AGPAT4: variants seen among roughly 807,000 people sequenced by gnomAD.
AGPAT4 encodes 1-acylglycerol-3-phosphate O-acyltransferase 4.
A neutral mutation model predicts 48.0 loss-of-function variants in AGPAT4; 15 were observed. The ratio of observed to expected loss-of-function variants is 0.31; its 90% CI spans 0.21 to 0.48. The LOEUF is 0.48. Among genes scored for constraint, AGPAT4 ranks in the 20% least tolerant of loss-of-function variants. The pLI is 0.99. For synonymous variants in AGPAT4, 178 were observed against 198.7 expected, an observed-to-expected ratio of 0.90 and a Z score of 0.88; for missense variants, 314 against 482.5, an observed-to-expected ratio of 0.65 and a Z score of 3.27.
At position 161,259,926 on chromosome 6, in the gene AGPAT4, T is replaced by C. The variant is rs2114748279; in HGVS notation, c.-90+14012A>G. ...CATTGAGTCACATCCTGGTTCTTGC[T>C]TCCCTTCTCAGACCCATCCAGGAGT... On this transcript the variant is annotated intron_variant, in intron 1 of 8. Coordinates refer to ENST00000320285, the MANE Select transcript of AGPAT4 (RefSeq NM_020133.3). This position sits in a 1 kb window ranked among gnomAD's most constrained non-coding sequence, Gnocchi z 4.9. Among the ~76,000 whole-genome samples, 2 of 152,346 alleles carry C rather than the reference T, an allele frequency of 1.3e-5. No individual in the cohort carries two copies. Among genetic ancestry groups the C allele is most frequent in the East Asian group, 3.9e-4 (2 of 5,170 alleles).
In AGPAT4 at chr6:161,134,655, A is replaced by G. The variant is rs765751567; in HGVS notation, c.*1885T>C. ...GCTGCAGAGTTCAGGTGAATGGCGT[A>G]ACTCAGCATCACGGACCCCTCCGAG... On this transcript the variant is annotated 3_prime_UTR_variant, in exon 9 of 9. Transcript: ENST00000320285. 1 of 152,174 alleles carries G rather than the reference A, an allele frequency of 6.6e-6. No homozygotes were observed. Among genetic ancestry groups the G allele is most frequent in the Non-Finnish European group, 1.5e-5 (1 of 68,040 alleles). 9.4% of individuals were successfully genotyped at this position (152,174 alleles called of 1,614,324 possible). A position where few individuals can be genotyped will look rare whatever the true frequency, so the allele number is the denominator to read the frequency against.
intron 2 of AGPAT4, among the ~76,000 whole-genome samples, chr6:161,190,268 A>C (rs1780883844): frequency 6.6e-6 from 1 of 152,202 alleles, no homozygotes; most frequent in Admixed American, 6.5e-5. Context: ...AATTGTAACA[A>C]ATGTACCAGA....
rs1365329110 is a variant in AGPAT4 at position 161,159,903 on chromosome 6, G to A, written c.349-5593C>T. 6.0e-5 allele frequency among the ~76,000 whole-genome samples: 9 copies of A among 150,764 alleles called. No homozygotes were observed. The South Asian group carries it at 1.9e-3, about 32-fold the overall frequency. On this transcript the variant is annotated intron_variant, in intron 3 of 8. Coordinates refer to ENST00000320285, the MANE Select transcript of AGPAT4 (RefSeq NM_020133.3). This position sits in a 1 kb window ranked among gnomAD's most constrained non-coding sequence, Gnocchi z 4.1. ...TCAGGTCTCCCAAAGTGCTGGGATG[G>A]GATTACAGGTGTGAGCCACCAAACC...
chr6:161,247,477 T>G (rs1310647233), intron 1 of AGPAT4, among the ~76,000 whole-genome samples: 1 of 152,216 alleles, frequency 6.6e-6, no homozygotes, highest in African/African-American at 2.4e-5. Context: ...AGAGGCTTTT[T>G]TTATTTTTAA....
rs1432279305 is a variant in AGPAT4 at position 161,259,886 on chromosome 6, G to A, written c.-90+14052C>T. The stretch of plus-strand genomic sequence containing the variant: ...ATGTGCACGCTGCACCCCCAGGGCC[G>A]AGTCGTAAGTTCACCATTGAGTCAC... On this transcript the variant is annotated intron_variant, in intron 1 of 8. Coordinates refer to ENST00000320285, the MANE Select transcript of AGPAT4 (RefSeq NM_020133.3). This position sits in a 1 kb window ranked among gnomAD's most constrained non-coding sequence, Gnocchi z 4.9. Among the ~76,000 whole-genome samples the A allele has an allele frequency of 2.0e-5, 3 of 152,164 alleles. No individual in the cohort carries two copies. Among genetic ancestry groups the A allele is most frequent in the East Asian group, 1.9e-4 (1 of 5,176 alleles).
rs1779293385 is a variant in AGPAT4 at position 161,142,707 on chromosome 6, G to T, written c.844-3087C>A. On this transcript the variant is annotated intron_variant, in intron 7 of 8. Transcript: ENST00000320285. The surrounding 1 kb of genome is among the most constrained non-coding windows in gnomAD (Gnocchi z 6.4). ...ACGAAGAATAGAAGAGAAAGTTGAG[G>T]AACAGAGAGGAAGAAGCGGCTCCTC... Among the ~76,000 whole-genome samples the T allele has an allele frequency of 6.6e-6, 1 of 152,106 alleles. No homozygotes were observed. The highest frequency in any genetic ancestry group is 2.4e-5 in the African/African-American group (1 of 41,406).
rs1176978027 is a variant in AGPAT4 at position 161,164,740 on chromosome 6, A to G, written c.348+1508T>C. On this transcript the variant is annotated intron_variant, in intron 3 of 8. Transcript: ENST00000320285. This position sits in a 1 kb window ranked among gnomAD's most constrained non-coding sequence, Gnocchi z 7.4. ...GCACACGGAGTGAGCTCGTGGGTGT[A>G]ATGCCACCAAGGGGCAAGCAGGGAT... Among the ~76,000 whole-genome samples, 1 of 152,196 alleles carries G rather than the reference A, an allele frequency of 6.6e-6. No individual in the cohort carries two copies. The highest frequency in any genetic ancestry group is 1.5e-5 in the Non-Finnish European group (1 of 68,036).
Position 161,261,483 on chromosome 6 carries a change from T to C in AGPAT4, c.-90+12455A>G, listed in dbSNP as rs115290783. 4.3e-3 allele frequency among the ~76,000 whole-genome samples: 653 copies of C among 152,262 alleles called. 7 individuals are homozygous for C. Among genetic ancestry groups the C allele is most frequent in the African/African-American group, 0.015 (624 of 41,550 alleles). ...TCCATAGAATGAATGAACTGAATGG[T>C]CAGTCACATTCACCACACTGCTCCA... On this transcript the variant is annotated intron_variant, in intron 1 of 8. Coordinates refer to ENST00000320285, the MANE Select transcript of AGPAT4 (RefSeq NM_020133.3). This position sits in a 1 kb window ranked among gnomAD's most constrained non-coding sequence, Gnocchi z 5.3.
intron 1 of AGPAT4, among the ~76,000 whole-genome samples, chr6:161,239,511 A>C (rs540305678): frequency 6.6e-6 from 1 of 152,342 alleles, no homozygotes; most frequent in African/African-American, 2.4e-5. Context: ...ATATAGATTC[A>C]CATTGCAGCA....
chr6:161,164,789 G>A lies in AGPAT4; in HGVS notation c.348+1459C>T, dbSNP rs549135736. On this transcript the variant is annotated intron_variant, in intron 3 of 8. Transcript: ENST00000320285. The surrounding 1 kb of genome is among the most constrained non-coding windows in gnomAD (Gnocchi z 7.4). Reference sequence around the variant, plus strand: ...ATTGGAAGGCACCCCCAAGTTCAATGGGCCTTCTGCTCTACCTCAGAGACT... The same window carrying A: ...ATTGGAAGGCACCCCCAAGTTCAATAGGCCTTCTGCTCTACCTCAGAGACT... 2.1e-3 allele frequency among the ~76,000 whole-genome samples: 325 copies of A among 152,294 alleles called. 2 individuals are homozygous for A. The highest frequency in any genetic ancestry group is 7.4e-3 in the African/African-American group (307 of 41,550).
chr6:161,157,420 C>A (rs1317238916), intron 3 of AGPAT4, among the ~76,000 whole-genome samples: 1 of 152,224 alleles, frequency 6.6e-6, no homozygotes, highest in Non-Finnish European at 1.5e-5. Flanking sequence ...TCAAGTGATT[C>A]TCCTGTCTCA....
At position 161,136,903 on chromosome 6, in the gene AGPAT4, C is replaced by T. The variant is rs746221363; in HGVS notation, c.1043-269G>A. Among the ~76,000 whole-genome samples the T allele has an allele frequency of 5.8e-4, 88 of 152,210 alleles. 2 individuals carry two copies. Among genetic ancestry groups the T allele is most frequent in the Admixed American group, 1.1e-3 (17 of 15,284 alleles). On this transcript the variant is annotated intron_variant, in intron 8 of 8. Transcript: ENST00000320285. Reference sequence around the variant, plus strand: ...AATGATTTGGCAAGCCATGCACAGCCGTTCGCAGGGACTCAGAGAAATCCC... The same window carrying T: ...AATGATTTGGCAAGCCATGCACAGCTGTTCGCAGGGACTCAGAGAAATCCC...
chr6:161,247,795 C>T (rs973472871), intron 1 of AGPAT4, among the ~76,000 whole-genome samples: 3 of 152,016 alleles, frequency 2.0e-5, no homozygotes, highest in East Asian at 3.9e-4. Context: ...CCAGCCTGAA[C>T]AACATGGTGA....
Position 161,255,237 on chromosome 6 carries a change from G to T in AGPAT4, c.-90+18701C>A, listed in dbSNP as rs1351520298. ...AGAGCAAAGGAACTTGGATTTGAAA[G>T]TCCGAGACCCCTCTGCAAAATACCA... On this transcript the variant is annotated intron_variant, in intron 1 of 8. Coordinates refer to ENST00000320285, the MANE Select transcript of AGPAT4 (RefSeq NM_020133.3). This position sits in a 1 kb window ranked among gnomAD's most constrained non-coding sequence, Gnocchi z 4.7. Among the ~76,000 whole-genome samples, 2 of 152,172 alleles carry T rather than the reference G, an allele frequency of 1.3e-5. No homozygotes were observed. Among genetic ancestry groups the T allele is most frequent in the Non-Finnish European group, 2.9e-5 (2 of 68,024 alleles).
chr6:161,186,178 C>T (rs1780762676), intron 2 of AGPAT4, among the ~76,000 whole-genome samples: 1 of 152,144 alleles, frequency 6.6e-6, no homozygotes, highest in Admixed American at 6.5e-5. Context: ...GCAGCTCCAA[C>T]CCCCATGCCT....
chr6:161,193,671 A>G (rs1780986775), intron 2 of AGPAT4, among the ~76,000 whole-genome samples: 1 of 152,192 alleles, frequency 6.6e-6, no homozygotes, highest in Non-Finnish European at 1.5e-5. Flanking sequence ...AATCCCTGTT[A>G]GACTCCAAGG....
chr6:161,236,367 G>C lies in AGPAT4; in HGVS notation c.-89-4065C>G, dbSNP rs1782274963. Among the ~76,000 whole-genome samples, 1 of 151,998 alleles carries C rather than the reference G, an allele frequency of 6.6e-6. No individual in the cohort carries two copies. On this transcript the variant is annotated intron_variant, in intron 1 of 8. Coordinates refer to ENST00000320285, the MANE Select transcript of AGPAT4 (RefSeq NM_020133.3). The surrounding 1 kb of genome is among the most constrained non-coding windows in gnomAD (Gnocchi z 5.0). ...GATGTATTGCCTTTTTCTGGGTTTT[G>C]GTACTCATGAAATGAAACAGCAGGT...
intron 1 of AGPAT4, among the ~76,000 whole-genome samples, chr6:161,257,925 T>C (rs1782988655): frequency 6.6e-6 from 1 of 152,220 alleles, no homozygotes; most frequent in African/African-American, 2.4e-5. Flanking sequence ...TCACCCTTGC[T>C]CTGGCACTTT....
In AGPAT4 at chr6:161,164,553, C is replaced by A. The variant is rs907720860; in HGVS notation, c.348+1695G>T. Among the ~76,000 whole-genome samples, 1 of 152,200 alleles carries A rather than the reference C, an allele frequency of 6.6e-6. No homozygotes were observed. Among genetic ancestry groups the A allele is most frequent in the African/African-American group, 2.4e-5 (1 of 41,436 alleles). ...GGGCCCCAGGGCCCCTGCTTTTGTG[C>A]CCCCAACATCTTCCAGGGGAAAGAG... On this transcript the variant is annotated intron_variant, in intron 3 of 8. Coordinates refer to ENST00000320285, the MANE Select transcript of AGPAT4 (RefSeq NM_020133.3). This position sits in a 1 kb window ranked among gnomAD's most constrained non-coding sequence, Gnocchi z 7.4.
Sources: gnomAD v4.1 joint callset for allele counts (sites outside exome capture counted in the v4.1 genomes callset) on GRCh38, gnomAD v4.1.1 for gene constraint, Gnocchi (gnomAD v3.1) non-coding constraint, MANE v1.5 for transcripts, NCBI Gene and HGNC (gene_info 2026-07-23, HGNC 2026-07-21) for gene names.